The following SSUH2 variants were observed in gnomAD, a reference collection of about 807,000 sequenced individuals.
SSUH2 encodes ssu-2 homolog.
A neutral mutation model predicts 55.3 loss-of-function variants in SSUH2; 47 were observed. The observed-to-expected ratio is 0.85, with a 90% confidence interval of 0.67 to 1.08. The LOEUF (loss-of-function observed/expected upper bound fraction) is 1.08, where lower values mean the gene tolerates loss of function less well. Ranked by LOEUF, SSUH2 falls within the 50% of genes least tolerant of loss-of-function variation. The pLI, the probability that SSUH2 is intolerant of heterozygous loss-of-function variation, is 0.00. For synonymous variants in SSUH2, 212 were observed against 191.5 expected (o/e 1.11, Z -0.89); for missense variants, 535 against 490.7 (o/e 1.09, Z -0.85).
At chr3:8,627,619 G>C in intron 8 of SSUH2, 79 bp downstream of exon 8, 1 of 1,253,248 alleles carries the variant, frequency 8.0e-7, no homozygotes, top group Non-Finnish European at 1.1e-6. Context: ...ATGGGTTCCT[G>C]TTTGCCTTCC....
chr3:8,650,510 AAAGAT>A (rs1211750635), intron 7 of SSUH2, among the ~76,000 whole-genome samples: 2 of 152,236 alleles, frequency 1.3e-5, no homozygotes, highest in African/African-American at 4.8e-5. Flanking sequence ...AGTTTTCTCC[AAAGAT>A]AAGCTTTGTT....
At chr3:8,654,531 A>G (rs188756877) in intron 7 of SSUH2, among the ~76,000 whole-genome samples, 20 of 152,366 alleles carry the variant, frequency 1.3e-4, no homozygotes, top group African/African-American at 4.8e-4. Flanking sequence ...TGGTTTAAAG[A>G]TAGCCTTGTA....
At chr3:8,651,212 C>T (rs948973764) in intron 7 of SSUH2, among the ~76,000 whole-genome samples, 3 of 152,242 alleles carry the variant, frequency 2.0e-5, no homozygotes, top group Admixed American at 6.5e-5. Flanking sequence ...CAGGACAACA[C>T]TAACTTCCCG....
At chr3:8,623,344 C>T in intron 11 of SSUH2, 1 of 515,118 alleles carries the variant, frequency 1.9e-6, no homozygotes, top group South Asian at 2.8e-5. Context: ...CTCCTGCGAC[C>T]CACGGTCCTT....
At chr3:8,623,217 A>G (rs183086817) in intron 11 of SSUH2, among the ~76,000 whole-genome samples, 19 of 152,348 alleles carry the variant, frequency 1.2e-4, no homozygotes, top group Admixed American at 1.1e-3. Context: ...TGTGACGTTC[A>G]ATCCCCACCT....
chr3:8,629,633 C>CTGACTCACCAGTGGTTCACAAA, intron 7 of SSUH2, 31 bp downstream of exon 7: 3 of 1,587,726 alleles, frequency 1.9e-6, no homozygotes, highest in Non-Finnish European at 1.7e-6. Context: ...CACACCCTCA[C>CTGACTCACCAGTGGTTCACAAA]TGACTCACCA....
Position 8,632,095 on chromosome 3 carries a change from G to A in SSUH2, c.354C>T (p.Thr118=), listed in dbSNP as rs905189041. The A allele has an allele frequency of 1.2e-6, 2 of 1,613,808 alleles. No homozygotes were observed. The highest frequency in any genetic ancestry group is 1.1e-5 in the South Asian group (1 of 91,070). ...ACTCGCTTATCCTGGATTCACTAAA[G>A]GTCTCCAGACGGTACTAAAAGGAAA... ...RQTLCRYRLE[T]FSESRISEWT... Residue 118 remains threonine (T), a synonymous_variant, in exon 5 of 12, where the codon ACC becomes ACT. Transcript: ENST00000544814.
intron 5 of SSUH2, among the ~76,000 whole-genome samples, chr3:8,667,517 C>T (rs944407018): frequency 6.6e-6 from 1 of 152,226 alleles, no homozygotes; most frequent in Non-Finnish European, 1.5e-5. Context: ...ATTCCAGTCT[C>T]ACCCATTTGA....
intron 6 of SSUH2, among the ~76,000 whole-genome samples, chr3:8,630,417 T>C (rs1575103893): frequency 6.6e-6 from 1 of 152,230 alleles, no homozygotes; most frequent in African/African-American, 2.4e-5. Flanking sequence ...CTGACTCTCA[T>C]GCAAAATCCC....
chr3:8,646,472 G>A (rs1701691830), upstream of SSUH2, among the ~76,000 whole-genome samples: 2 of 152,166 alleles, frequency 1.3e-5, no homozygotes, highest in South Asian at 4.1e-4. Flanking sequence ...CCGCAAAAAT[G>A]CAGACAACGC....
chr3:8,673,553 T>A (rs1030624652), intron 3 of SSUH2, among the ~76,000 whole-genome samples: 6 of 152,114 alleles, frequency 3.9e-5, no homozygotes, highest in Non-Finnish European at 8.8e-5. Context: ...AAGCCCTAAT[T>A]GATTTGCTCC....
chr3:8,634,397 C>G (rs1297233504), intron 3 of SSUH2: 1 of 1,291,416 alleles, frequency 7.7e-7, no homozygotes, highest in Non-Finnish European at 1.0e-6. Context: ...CACCCCCTTA[C>G]TGAAGTCTTT....
Position 8,663,336 on chromosome 3 carries a change from A to G in SSUH2, c.-396+408T>C, listed in dbSNP as rs548040152. Among the ~76,000 whole-genome samples the G allele has an allele frequency of 1.3e-5, 2 of 151,934 alleles. 1 individual carries two copies. Among genetic ancestry groups the G allele is most frequent in the South Asian group, 4.2e-4 (2 of 4,798 alleles). The stretch of plus-strand genomic sequence containing the variant: ...CTACAAGGAGCCTTGGAATTCACCT[A>G]CCCCCTCCTGTCTGACATACAGAGA... On this transcript the variant is annotated intron_variant, in intron 6 of 18. Coordinates refer to the SSUH2 transcript ENST00000317371.
exon 6 of SSUH2, chr3:8,663,781 A>G (rs565483601): frequency 8.8e-6 from 4 of 456,654 alleles, no homozygotes; most frequent in South Asian, 1.5e-5. Context: ...TTCCATAGGT[A>G]CCACAGGGGA....
chr3:8,650,481 T>C (rs1702268952), intron 7 of SSUH2, among the ~76,000 whole-genome samples: 1 of 152,222 alleles, frequency 6.6e-6, no homozygotes, highest in Admixed American at 6.5e-5. Flanking sequence ...TATCTTCCCA[T>C]TGTCCTGGAC....
chr3:8,646,858 T>G (rs900943853), upstream of SSUH2, among the ~76,000 whole-genome samples: 2 of 152,204 alleles, frequency 1.3e-5, no homozygotes, highest in Non-Finnish European at 2.9e-5. Flanking sequence ...CATCTGACAG[T>G]CATTCTTCCT....
chr3:8,662,112 C>T (rs1410055161), intron 6 of SSUH2, among the ~76,000 whole-genome samples: 2 of 152,148 alleles, frequency 1.3e-5, no homozygotes, highest in Non-Finnish European at 2.9e-5. Context: ...ATCAGCAGTG[C>T]GAAAGTACAC....
intron 6 of SSUH2, chr3:8,659,526 C>T (rs1703267647): frequency 3.4e-6 from 1 of 297,532 alleles, no homozygotes; most frequent in Non-Finnish European, 6.5e-6. Flanking sequence ...CATGGGACAC[C>T]TCAGCAGAGG....
chr3:8,653,295 T>C (rs1702612200), intron 7 of SSUH2, among the ~76,000 whole-genome samples: 1 of 152,182 alleles, frequency 6.6e-6, no homozygotes, highest in Admixed American at 6.5e-5. Flanking sequence ...CTTTTTATAT[T>C]TATAAAAGAA....
Sources: allele counts gnomAD v4.1 joint callset (sites outside exome capture counted in the v4.1 genomes callset), GRCh38; gene constraint gnomAD v4.1.1; transcripts MANE v1.5; gene names NCBI Gene and HGNC (gene_info 2026-07-23, HGNC 2026-07-21).